Variants in RNASEH2B observed in about 807,000 individuals in gnomAD.
RNASEH2B encodes ribonuclease H2 subunit B.
In RNASEH2B, 36 loss-of-function variants were observed where a neutral mutation model predicts 45.0. The ratio of observed to expected loss-of-function variants is 0.80; its 90% CI spans 0.61 to 1.06. RNASEH2B has a LOEUF of 1.06. Ranked by LOEUF, RNASEH2B falls within the 50% of genes least tolerant of loss-of-function variation. RNASEH2B has a pLI of 0.00. For synonymous variants in RNASEH2B, 119 were observed against 125.7 expected (o/e 0.95, Z 0.35); for missense variants, 361 against 360.3 (o/e 1.00, Z -0.02).
In RNASEH2B at chr13:50,956,574, G is replaced by A. The variant is rs1952054345; in HGVS notation, c.*100G>A. On this transcript the variant is annotated 3_prime_UTR_variant, in exon 11 of 11. Transcript: ENST00000336617. ...CTACCTTTGGTTGGGGGAAGGAAGA[G>A]GCCAATTTCATGTTCTCTTAAACAT... 1.3e-6 allele frequency: 2 copies of A among 1,521,002 alleles called. No individual in the cohort carries two copies. The allele number at this position is 1,521,002 out of a possible 1,614,324, so 94.2% of individuals were successfully genotyped here.
At chr13:50,922,204 A>C (rs1340768093) in intron 1 of RNASEH2B, among the ~76,000 whole-genome samples, 1 of 152,222 alleles carries the variant, frequency 6.6e-6, no homozygotes, top group East Asian at 1.9e-4. Context: ...CTGAGGGGTC[A>C]ATACCAGTTG....
intron 4 of RNASEH2B, among the ~76,000 whole-genome samples, chr13:50,933,097 A>T (rs1951702983): frequency 1.3e-5 from 2 of 152,362 alleles, no homozygotes; most frequent in South Asian, 4.1e-4. Context: ...ACCACCAGGA[A>T]CGCCCTGGGG....
intron 5 of RNASEH2B, chr13:50,942,954 G>GA: frequency 4.4e-6 from 1 of 228,146 alleles, no homozygotes; most frequent in Non-Finnish European, 8.6e-6. Context: ...CTTGAGTGTG[G>GA]AGCCATTGCT....
intron 1 of RNASEH2B, chr13:50,927,060 C>A: frequency 3.7e-6 from 1 of 270,462 alleles, no homozygotes; most frequent in Non-Finnish European, 7.3e-6. Flanking sequence ...AACAAGTATA[C>A]TATTATTGTC....
chr13:50,964,339 G>A (rs901017259), intron 9 of RNASEH2B, among the ~76,000 whole-genome samples: 2 of 151,912 alleles, frequency 1.3e-5, no homozygotes, highest in South Asian at 2.1e-4. Context: ...TTTCTTTTAC[G>A]ATCATTTCAC....
At chr13:50,944,788 TTGTGA>T (rs1460091412) in intron 6 of RNASEH2B, among the ~76,000 whole-genome samples, 1 of 152,076 alleles carries the variant, frequency 6.6e-6, no homozygotes, top group East Asian at 1.9e-4. Flanking sequence ...CATTTTTTAT[TTGTGA>T]TATAGTAGTA....
rs1050759505 is a variant in RNASEH2B at position 50,909,953 on chromosome 13, G to C, written c.-124G>C. On this transcript the variant is annotated 5_prime_UTR_variant, in exon 1 of 11. Coordinates refer to ENST00000336617, the MANE Select transcript of RNASEH2B (RefSeq NM_024570.4). ...ATTCGGTCCCTGGGCCTCCTCCCGG[G>C]CGCTGCCGGTCCCTCAGCGCGCCGC... 9.7e-6 allele frequency: 7 copies of C among 721,282 alleles called. No individual in the cohort carries two copies. In the African/African-American group the frequency reaches 1.1e-4, roughly 12 times the overall value. The allele number at this position is 721,282 out of a possible 1,614,324, so 44.7% of individuals were successfully genotyped here.
intron 1 of RNASEH2B, chr13:50,910,945 A>AG (rs1322096332): frequency 6.6e-6 from 1 of 152,200 alleles, no homozygotes; most frequent in East Asian, 1.9e-4. Flanking sequence ...CAGTAAATAT[A>AG]CTCTGATAAC....
In RNASEH2B at chr13:50,934,954, C is replaced by G; in HGVS notation, c.391C>G (p.Leu131Val). ...TCCAAATTGCATCTTGTTGCTGAAACTTCCTGGACTTGAGAAGTTACTTCA... is the reference window on the plus strand; with the variant it reads ...TCCAAATTGCATCTTGTTGCTGAAAGTTCCTGGACTTGAGAAGTTACTTCA... ...VFPNCILLLKLPGLEKLLHHV... is the reference protein window; with the variant it reads ...VFPNCILLLKVPGLEKLLHHV... Residue 131 changes from leucine to valine, a missense_variant, in exon 5 of 11, where the codon CTT becomes GTT. Transcript: ENST00000336617. 1 of 1,613,922 alleles carries G rather than the reference C, an allele frequency of 6.2e-7. No homozygotes were observed. Among genetic ancestry groups the G allele is most frequent in the Non-Finnish European group, 8.5e-7 (1 of 1,179,824 alleles).
chr13:50,920,330 G>A (rs1300782742), intron 1 of RNASEH2B, among the ~76,000 whole-genome samples: 1 of 152,160 alleles, frequency 6.6e-6, no homozygotes, highest in Non-Finnish European at 1.5e-5. Context: ...TTACAAGTGT[G>A]AGCCACCGTG....
At chr13:50,926,419 T>C (rs547319710) in intron 1 of RNASEH2B, among the ~76,000 whole-genome samples, 6 of 152,280 alleles carry the variant, frequency 3.9e-5, no homozygotes, top group Middle Eastern at 3.4e-3. Flanking sequence ...TTTTTGGTAA[T>C]AGGAACATTT....
intron 1 of RNASEH2B, chr13:50,910,856 T>TGTAA (rs1392479414): frequency 2.0e-5 from 3 of 152,220 alleles, no homozygotes; most frequent in Admixed American, 6.5e-5. Flanking sequence ...TTTTTATATA[T>TGTAA]GTAACATTGG....
chr13:50,930,023 G>T, intron 3 of RNASEH2B: 1 of 247,632 alleles, frequency 4.0e-6, no homozygotes. Flanking sequence ...CTGCCCACCT[G>T]CTCCCCCACC....
chr13:50,929,503 G>A lies in RNASEH2B; in HGVS notation c.165G>A (p.Met55Ile). The change falls in exon 3 of 11, where the codon ATG becomes ATA. Residue 55 changes from methionine to isoleucine, a missense_variant. Transcript: ENST00000336617. ...SGEGAIYLFN[M>I]CLQQLFEVKV... ...AAGGAGCCATTTACTTGTTCAATAT[G>A]TGTCTACAGCAGCTGTTTGAAGTAA... is the stretch of plus-strand genomic sequence containing the variant. The A allele has an allele frequency of 6.2e-7, 1 of 1,613,614 alleles. No individual in the cohort carries two copies. Among genetic ancestry groups the A allele is most frequent in the Non-Finnish European group, 8.5e-7 (1 of 1,179,608 alleles).
chr13:50,936,529 A>G (rs1951754898), intron 5 of RNASEH2B: 1 of 152,234 alleles, frequency 6.6e-6, no homozygotes, highest in Non-Finnish European at 1.5e-5. Flanking sequence ...CCAGGGTTTT[A>G]TCAAAGCAGT....
chr13:50,961,345 T>A (rs1209969517), downstream of RNASEH2B, among the ~76,000 whole-genome samples: 5 of 152,226 alleles, frequency 3.3e-5, no homozygotes. Context: ...AAGGAAGAAC[T>A]TTCCCTTTTC....
chr13:50,909,693 T>G, upstream of RNASEH2B: 1 of 179,352 alleles, frequency 5.6e-6, no homozygotes, highest in East Asian at 1.6e-4. Flanking sequence ...GGCTAGACCA[T>G]GGAGGGCCGC....
At chr13:50,956,221 C>A in intron 10 of RNASEH2B, 137 bp from the exon 11 acceptor site, 1 of 689,858 alleles carries the variant, frequency 1.4e-6, no homozygotes, top group Non-Finnish European at 2.5e-6. Context: ...AACTTTTTCA[C>A]TCCCTTATGA....
intron 1 of RNASEH2B, among the ~76,000 whole-genome samples, chr13:50,920,064 T>G (rs1428957609): frequency 6.6e-6 from 1 of 151,170 alleles, no homozygotes; most frequent in Non-Finnish European, 1.5e-5. Context: ...GACAGAGTCT[T>G]GCTCTGTCGC....
Sources: gnomAD v4.1 joint callset for allele counts (sites outside exome capture counted in the v4.1 genomes callset) on GRCh38, gnomAD v4.1.1 for gene constraint, MANE v1.5 for transcripts, NCBI Gene and HGNC (gene_info 2026-07-23, HGNC 2026-07-21) for gene names.